HEXA: variants seen among roughly 807,000 people sequenced by gnomAD.
HEXA encodes beta-hexosaminidase subunit alpha.
In HEXA, 54 loss-of-function variants were observed where a neutral mutation model predicts 73.3. The ratio of observed to expected loss-of-function variants is 0.74; its 90% CI spans 0.59 to 0.92. The LOEUF (loss-of-function observed/expected upper bound fraction) is 0.92. Among genes scored for constraint, HEXA ranks in the 40% least tolerant of loss-of-function variants. The pLI, the probability that HEXA is intolerant of heterozygous loss-of-function variation, is 0.00. For synonymous variants in HEXA, 230 were observed against 246.9 expected, an observed-to-expected ratio of 0.93 and a Z score of 0.64; for missense variants, 649 against 653.0, an observed-to-expected ratio of 0.99 and a Z score of 0.07.
At chr15:72,363,778 G>A (rs1229480014) in intron 1 of HEXA, among the ~76,000 whole-genome samples, 2 of 151,948 alleles carry the variant, frequency 1.3e-5, no homozygotes, top group Non-Finnish European at 2.9e-5. Context: ...TTTGGGAAAA[G>A]CTGTAGTTAA....
At chr15:72,369,344 AC>A in intron 1 of HEXA, among the ~76,000 whole-genome samples, 1 of 152,106 alleles carries the variant, frequency 6.6e-6, no homozygotes, top group Non-Finnish European at 1.5e-5. Context: ...CACCTCTCTG[AC>A]CCCTACAGAC....
chr15:72,344,725 C>A (rs923003165), intron 13 of HEXA, among the ~76,000 whole-genome samples: 2 of 152,192 alleles, frequency 1.3e-5, no homozygotes, highest in African/African-American at 4.8e-5. Flanking sequence ...ATAATTGAGG[C>A]TTAGACACCA....
At chr15:72,364,143 G>T (rs535506858) in intron 1 of HEXA, among the ~76,000 whole-genome samples, 21 of 152,064 alleles carry the variant, frequency 1.4e-4, no homozygotes, top group Non-Finnish European at 2.5e-4. Context: ...GGTAGCAGGC[G>T]CCTGTAAACC....
chr15:72,356,898 A>G, intron 1 of HEXA: 1 of 510,292 alleles, frequency 2.0e-6, no homozygotes, highest in South Asian at 2.0e-5. Flanking sequence ...CTTGGCCTGT[A>G]CCAAACAAAC....
intron 1 of HEXA, among the ~76,000 whole-genome samples, chr15:72,375,125 G>C (rs2089044077): frequency 2.0e-5 from 3 of 149,312 alleles, no homozygotes; most frequent in Admixed American, 2.0e-4. Context: ...GTCTTGCTCT[G>C]TTGCCCAGGC....
At chr15:72,346,916 C>A in intron 10 of HEXA, 1 of 599,176 alleles carries the variant, frequency 1.7e-6, no homozygotes, top group Non-Finnish European at 3.0e-6. Flanking sequence ...CCCTGCAGCT[C>A]TCCTCCCCGT....
chr15:72,361,913 C>T (rs1595807369), intron 1 of HEXA, among the ~76,000 whole-genome samples: 1 of 152,224 alleles, frequency 6.6e-6, no homozygotes, highest in Admixed American at 6.5e-5. Context: ...AGGCAGTCTT[C>T]CCCTGCCTCC....
chr15:72,356,792 G>C, intron 1 of HEXA, 175 bp from the exon 2 acceptor site: 2 of 920,816 alleles, frequency 2.2e-6, no homozygotes, highest in South Asian at 2.8e-5. Context: ...TCTCACTCTC[G>C]TTGTGCCCCT....
At chr15:72,365,238 C>T (rs1044376456) in intron 1 of HEXA, among the ~76,000 whole-genome samples, 5 of 152,122 alleles carry the variant, frequency 3.3e-5, no homozygotes, top group Non-Finnish European at 7.4e-5. Flanking sequence ...CACAGGCGCA[C>T]GCCACCGTGC....
intron 1 of HEXA, chr15:72,356,912 T>A (rs529383575): frequency 2.1e-6 from 1 of 482,416 alleles, no homozygotes; most frequent in Non-Finnish European, 3.8e-6. Flanking sequence ...AACAAACAAC[T>A]CCATGACCTC....
In HEXA at chr15:72,342,959, C is replaced by A. The variant is rs1231793954; in HGVS notation, c.*1118G>T. ...GAATTCGGCCGGGCGCGGTGGCTCA[C>A]GCCTGTAATCCCAGCACTTTGGGAG... is the stretch of plus-strand genomic sequence containing the variant. On this transcript the variant is annotated 3_prime_UTR_variant, in exon 14 of 14. Coordinates refer to ENST00000268097, the MANE Select transcript of HEXA (RefSeq NM_000520.6). The A allele has an allele frequency of 6.6e-6, 1 of 152,460 alleles. No homozygotes were observed. Among genetic ancestry groups the A allele is most frequent in the Non-Finnish European group, 1.5e-5 (1 of 68,150 alleles). 9.4% of individuals were successfully genotyped at this position (152,460 alleles called of 1,614,324 possible). A position where few individuals can be genotyped will look rare whatever the true frequency, so the allele number is the denominator to read the frequency against.
intron 8 of HEXA, among the ~76,000 whole-genome samples, chr15:72,348,631 C>A (rs973968675): frequency 4.6e-5 from 7 of 152,204 alleles, no homozygotes; most frequent in Non-Finnish European, 8.8e-5. Context: ...GCTCTAGCGC[C>A]CTCTTCTCAA....
chr15:72,365,323 T>A (rs909344462), intron 1 of HEXA, among the ~76,000 whole-genome samples: 1 of 152,138 alleles, frequency 6.6e-6, no homozygotes, highest in African/African-American at 2.4e-5. Flanking sequence ...ATGGTCTAGA[T>A]CTCCTGACCT....
chr15:72,361,827 T>C (rs1477008843), intron 1 of HEXA, among the ~76,000 whole-genome samples: 1 of 152,246 alleles, frequency 6.6e-6, no homozygotes, highest in Non-Finnish European at 1.5e-5. Context: ...CATCGCCATT[T>C]TCCCAGCCCC....
At chr15:72,352,447 CA>C (rs540544720) in intron 5 of HEXA, among the ~76,000 whole-genome samples, 559 of 67,132 alleles carry the variant, frequency 8.3e-3, no homozygotes, top group Admixed American at 0.012. Context: ...ACAAAAAATA[CA>C]AAAAAAAAAA....
At chr15:72,371,642 T>C (rs867109558) in intron 1 of HEXA, among the ~76,000 whole-genome samples, 11 of 151,612 alleles carry the variant, frequency 7.3e-5, no homozygotes, top group Middle Eastern at 6.9e-3. Flanking sequence ...CATAAAGCCT[T>C]CTTACAAATG....
At chr15:72,359,341 A>C (rs948484548) in intron 1 of HEXA, 2 of 152,178 alleles carry the variant, frequency 1.3e-5, no homozygotes, top group Non-Finnish European at 2.9e-5. Context: ...CCCTGCTTTC[A>C]TGTAAACCTA....
intron 1 of HEXA, chr15:72,359,744 AAAATC>A (rs1264605643): frequency 6.6e-6 from 1 of 151,816 alleles, no homozygotes; most frequent in Non-Finnish European, 1.5e-5. Context: ...GGTTAAAAAA[AAAATC>A]AAACAGTACT....
chr15:72,369,132 C>T (rs1388832539), intron 1 of HEXA, among the ~76,000 whole-genome samples: 2 of 152,142 alleles, frequency 1.3e-5, no homozygotes, highest in East Asian at 3.8e-4. Context: ...GAGTGTGTGG[C>T]CAGGAAGCTT....
Sources: gnomAD v4.1 joint callset for allele counts (sites outside exome capture counted in the v4.1 genomes callset) on GRCh38, gnomAD v4.1.1 for gene constraint, MANE v1.5 for transcripts, NCBI Gene and HGNC (gene_info 2026-07-23, HGNC 2026-07-21) for gene names.